The following DNAI7 variants were observed in gnomAD, a reference collection of about 807,000 sequenced individuals.
DNAI7 encodes the protein cancer susceptibility 1.
DNAI7 carries 78 observed loss-of-function variants against 86.6 expected under a neutral mutation model. The observed-to-expected ratio is 0.90, with a 90% CI of 0.75 to 1.09. DNAI7 has a LOEUF of 1.09. Ranked by LOEUF, DNAI7 falls within the 50% of genes least tolerant of loss-of-function variation. The pLI, the probability that DNAI7 is intolerant of heterozygous loss-of-function variation, is 0.00. For missense variants in DNAI7, 753 were observed against 810.2 expected (o/e 0.93, Z 0.86); for synonymous variants, 274 against 273.0 (o/e 1.00, Z -0.04).
At chr12:25,193,398 G>C (rs1414021823) in intron 1 of DNAI7, among the ~76,000 whole-genome samples, 1 of 152,146 alleles carries the variant, frequency 6.6e-6, no homozygotes, top group Non-Finnish European at 1.5e-5. Flanking sequence ...ACTACTAGAA[G>C]CCAGGAAAGG....
chr12:25,164,973 C>CT (rs1947292516), intron 2 of DNAI7, among the ~76,000 whole-genome samples: 1 of 152,296 alleles, frequency 6.6e-6, no homozygotes, highest in African/African-American at 2.4e-5. Context: ...GTGGCTGGAG[C>CT]TAAAGGCATA....
downstream of DNAI7, chr12:25,107,166 A>C: frequency 4.3e-6 from 2 of 470,320 alleles, no homozygotes; most frequent in Non-Finnish European, 3.8e-6. Context: ...TGTTGTATTT[A>C]AGATGAATAA....
rs903061724 is a variant in DNAI7 at position 25,144,389 on chromosome 12, T to C, written c.978A>G (p.Glu326=). 5 of 1,613,628 alleles carry C rather than the reference T, an allele frequency of 3.1e-6. No individual in the cohort carries two copies. In the African/African-American group the frequency reaches 6.7e-5, roughly 22 times the overall value. The change falls in exon 9 of 16, where the codon GAA becomes GAG. Residue 326 remains glutamate, a synonymous_variant. Transcript: ENST00000395987. ...IQEEEIKVEE[E]QGDIEVKMSS... ...CCATTTTCACTTCAATATCACCTTG[T>C]TCCTCCTCAACTTTTATTTCTTCCT...
chr12:25,150,528 C>T (rs1306210507), intron 6 of DNAI7, among the ~76,000 whole-genome samples: 11 of 142,586 alleles, frequency 7.7e-5, no homozygotes, highest in African/African-American at 2.5e-4. Flanking sequence ...GGTGTGAACC[C>T]GGGAGGCGGA....
intron 2 of DNAI7, among the ~76,000 whole-genome samples, chr12:25,175,033 G>T (rs995515690): frequency 1.3e-5 from 2 of 151,690 alleles, no homozygotes; most frequent in African/African-American, 4.8e-5. Context: ...GGTGATGGGT[G>T]AACCAAAATC....
At chr12:25,194,783 C>T (rs1950886716) in intron 1 of DNAI7, 5 of 1,187,538 alleles carry the variant, frequency 4.2e-6, no homozygotes, top group Non-Finnish European at 6.0e-6. Flanking sequence ...CTGAAAGTTA[C>T]TAGGTTGGGA....
chr12:25,149,510 A>G, intron 7 of DNAI7, 118 bp downstream of exon 7: 1 of 700,254 alleles, frequency 1.4e-6, no homozygotes, highest in Non-Finnish European at 2.4e-6. Context: ...ACTCTAAATT[A>G]TTCTGCTAAC....
At position 25,195,063 on chromosome 12, in the gene DNAI7, T is replaced by G. The variant is rs763463640; in HGVS notation, c.3+13A>C. ...TCGCCCCTCCACCTGTCTGCCTCAT[T>G]TGCCTTGCTCACCATTAAGAGTCAA... On this transcript the variant is annotated intron_variant, in intron 1 of 15. Coordinates refer to ENST00000395987, the MANE Select transcript of DNAI7 (RefSeq NM_018272.5). 6.2e-7 allele frequency: 1 copy of G among 1,614,226 alleles called. No homozygotes were observed.
intron 2 of DNAI7, among the ~76,000 whole-genome samples, chr12:25,179,612 C>T (rs1949307516): frequency 6.6e-6 from 1 of 152,026 alleles, no homozygotes; most frequent in Admixed American, 6.6e-5. Context: ...TATCATCATG[C>T]AAGGATGGTT....
At chr12:25,166,409 T>C (rs1947470986) in intron 2 of DNAI7, among the ~76,000 whole-genome samples, 1 of 152,148 alleles carries the variant, frequency 6.6e-6, no homozygotes, top group Non-Finnish European at 1.5e-5. Flanking sequence ...ATGCTTTCTT[T>C]ACTATTCCTT....
downstream of DNAI7, chr12:25,107,731 G>T: frequency 7.4e-7 from 1 of 1,348,312 alleles, no homozygotes; most frequent in African/African-American, 1.4e-5. Flanking sequence ...ATGAAGGGCA[G>T]ATCACCTGAC....
At chr12:25,166,151 T>C (rs1034993652) in intron 2 of DNAI7, among the ~76,000 whole-genome samples, 1 of 152,302 alleles carries the variant, frequency 6.6e-6, no homozygotes, top group South Asian at 2.1e-4. Context: ...TCCCATGGCA[T>C]GCTTTAAAAG....
At chr12:25,164,124 C>T (rs560836256) in intron 2 of DNAI7, among the ~76,000 whole-genome samples, 3 of 151,874 alleles carry the variant, frequency 2.0e-5, no homozygotes, top group South Asian at 2.1e-4. Flanking sequence ...CCCTTCTCTC[C>T]GTGTCTCTAC....
At chr12:25,148,064 A>G (rs1032820232) in intron 7 of DNAI7, among the ~76,000 whole-genome samples, 1 of 152,082 alleles carries the variant, frequency 6.6e-6, no homozygotes, top group Non-Finnish European at 1.5e-5. Context: ...TAAAATGTTG[A>G]AGATTATATT....
intron 10 of DNAI7, among the ~76,000 whole-genome samples, chr12:25,122,448 C>CAAAAAAAA (rs34138209): frequency 1.3e-5 from 1 of 76,716 alleles, no homozygotes; most frequent in South Asian, 4.3e-4. Context: ...GATCTCATCT[C>CAAAAAAAA]AAAAAAAAAA....
At chr12:25,189,989 T>TAA (rs71449907) in intron 2 of DNAI7, among the ~76,000 whole-genome samples, 1 of 19,082 alleles carries the variant, frequency 5.2e-5, no homozygotes, top group African/African-American at 1.4e-4. Flanking sequence ...GCAACTGATT[T>TAA]AAAAAAAAAA....
At chr12:25,109,200 AAC>A (rs762296560) in intron 15 of DNAI7, among the ~76,000 whole-genome samples, 3 of 152,372 alleles carry the variant, frequency 2.0e-5, no homozygotes, top group East Asian at 3.9e-4. Flanking sequence ...GAGTGGGGGA[AAC>A]ACACAATAAA....
At chr12:25,137,936 A>G (rs1032967084) in intron 9 of DNAI7, among the ~76,000 whole-genome samples, 7 of 152,160 alleles carry the variant, frequency 4.6e-5, no homozygotes, top group African/African-American at 1.4e-4. Context: ...TGGCAACACA[A>G]TAATAGTGTG....
chr12:25,167,880 TTATG>T (rs1284211882), intron 2 of DNAI7, among the ~76,000 whole-genome samples: 1 of 152,190 alleles, frequency 6.6e-6, no homozygotes. Flanking sequence ...GGCTGCTCCT[TTATG>T]TATCTCTCGT....
Sources: gnomAD v4.1 joint callset for allele counts (sites outside exome capture counted in the v4.1 genomes callset) on GRCh38, gnomAD v4.1.1 for gene constraint, MANE v1.5 for transcripts, NCBI Gene and HGNC (gene_info 2026-07-23, HGNC 2026-07-21) for gene names.